The following MTUS1 variants were observed in gnomAD, a reference collection of about 807,000 sequenced individuals.
MTUS1 encodes the protein microtubule associated scaffold protein 1, also known as microtubule-associated tumor suppressor 1.
In MTUS1, 109 loss-of-function variants were observed where a neutral mutation model predicts 120.8. The observed-to-expected ratio is 0.90, with a 90% confidence interval of 0.77 to 1.06. The LOEUF (loss-of-function observed/expected upper bound fraction) is 1.06, where lower values mean the gene tolerates loss of function less well. Ranked by LOEUF, MTUS1 falls within the 50% of genes least tolerant of loss-of-function variation. The probability of loss-of-function intolerance (pLI) is 0.00; values close to 1 mark genes in which losing one functional copy is unlikely to be tolerated. For missense variants in MTUS1, 2,210 were observed against 1,486.3 expected, an observed-to-expected ratio of 1.49 and a Z score of -8.01; for synonymous variants, 737 against 550.5, an observed-to-expected ratio of 1.34 and a Z score of -4.74.
intron 6 of MTUS1, among the ~76,000 whole-genome samples, chr8:17,694,000 G>A (rs1389305852): frequency 2.6e-5 from 4 of 152,162 alleles, no homozygotes; most frequent in Admixed American, 6.5e-5. Context: ...AACATCTTAG[G>A]CTGGATTATA....
chr8:17,771,204 T>C (rs1049364994), intron 1 of MTUS1, among the ~76,000 whole-genome samples: 1 of 152,136 alleles, frequency 6.6e-6, no homozygotes, highest in Non-Finnish European at 1.5e-5. Context: ...AATAAAATAA[T>C]CTGTGTAAGG....
Position 17,754,030 on chromosome 8 carries a change from T to C in MTUS1, c.1778A>G (p.His593Arg), listed in dbSNP as rs187570421. Reference sequence around the variant, plus strand: ...AACCCTGTGTGAAGCATTTTTAGAATGAGTTGTAACATGCACAGCCTGGCT... The same window carrying C: ...AACCCTGTGTGAAGCATTTTTAGAACGAGTTGTAACATGCACAGCCTGGCT... ...ITSQAVHVTT[H>R]SKNASHRVPR... Residue 593 changes from histidine to arginine, a missense_variant, in exon 2 of 15, where the codon CAT becomes CGT. Coordinates refer to ENST00000693296, the MANE Select transcript of MTUS1 (RefSeq NM_001363059.2). 1.9e-6 allele frequency: 3 copies of C among 1,614,196 alleles called. No individual in the cohort carries two copies. In the South Asian group the frequency reaches 3.3e-5, roughly 18 times the overall value.
intron 12 of MTUS1, among the ~76,000 whole-genome samples, chr8:17,652,835 CA>C (rs200107266): frequency 0.13 from 16,638 of 129,718 alleles, 1,267 homozygotes; most frequent in East Asian, 0.35. Flanking sequence ...GACTCCCTCT[CA>C]AAAAAAAAAA....
rs756058452 is a variant in MTUS1, at chr8:17,684,491, G to A, written c.2675C>T (p.Thr892Ile). ...NPRSLCIQPQ[T>I]APDALPPEKT... ...CTCAGGGGGCAGCGCATCGGGAGCTGTCTGTGGCTGGATACATAAGCTTCG... is the reference window on the plus strand; with the variant it reads ...CTCAGGGGGCAGCGCATCGGGAGCTATCTGTGGCTGGATACATAAGCTTCG... Residue 892 changes from threonine to isoleucine, a missense_variant, in exon 7 of 15, where the codon ACA becomes ATA. Physicochemically the swap from Thr to Ile is moderately conservative, Grantham distance 89 (BLOSUM62 -1). Transcript: ENST00000693296. 8 of 1,614,028 alleles carry A rather than the reference G, an allele frequency of 5.0e-6. No individual in the cohort carries two copies. Among genetic ancestry groups the A allele is most frequent in the East Asian group, 2.2e-5 (1 of 44,898 alleles).
intron 6 of MTUS1, among the ~76,000 whole-genome samples, chr8:17,706,601 T>C (rs902586416): frequency 6.6e-6 from 1 of 152,198 alleles, no homozygotes; most frequent in Non-Finnish European, 1.5e-5. Context: ...TAAAATGATA[T>C]GAAGCTTTTG....
chr8:17,709,127 ACT>A (rs1477151062), intron 6 of MTUS1, among the ~76,000 whole-genome samples: 8 of 137,648 alleles, frequency 5.8e-5, no homozygotes, highest in Admixed American at 3.6e-4. Flanking sequence ...ACAGAGCAAG[ACT>A]CTGCCTCAAA....
chr8:17,739,995 C>T (rs192715076), intron 3 of MTUS1, among the ~76,000 whole-genome samples: 2 of 152,196 alleles, frequency 1.3e-5, no homozygotes, highest in East Asian at 1.9e-4. Context: ...CACCTGAGGT[C>T]AGAAGTTCGA....
intron 1 of MTUS1, chr8:17,770,499 T>C (rs892156271): frequency 5.3e-5 from 8 of 152,192 alleles, no homozygotes; most frequent in African/African-American, 1.9e-4. Flanking sequence ...GAGTTATCTG[T>C]CCAAACAAAA....
chr8:17,729,051 G>C (rs2046394499), intron 3 of MTUS1, among the ~76,000 whole-genome samples: 1 of 152,198 alleles, frequency 6.6e-6, no homozygotes, highest in Admixed American at 6.5e-5. Flanking sequence ...AACAGACACA[G>C]TTAAAATACG....
chr8:17,747,246 C>T (rs891880242), intron 2 of MTUS1, among the ~76,000 whole-genome samples: 1 of 152,082 alleles, frequency 6.6e-6, no homozygotes, highest in African/African-American at 2.4e-5. Flanking sequence ...CCTAGAGTCC[C>T]CTAAATTAGA....
At chr8:17,770,004 C>G (rs1271305932) in intron 1 of MTUS1, among the ~76,000 whole-genome samples, 1 of 151,856 alleles carries the variant, frequency 6.6e-6, no homozygotes, top group Non-Finnish European at 1.5e-5. Flanking sequence ...CTAGACACTT[C>G]AGATGACATA....
chr8:17,796,910 G>T (rs756294683), intron 1 of MTUS1, among the ~76,000 whole-genome samples: 1 of 152,094 alleles, frequency 6.6e-6, no homozygotes, highest in Admixed American at 6.6e-5. Flanking sequence ...TCAGGAATTC[G>T]AGACCAAGTT....
At chr8:17,761,237 C>G (rs28503889) in intron 1 of MTUS1, among the ~76,000 whole-genome samples, 1 of 152,056 alleles carries the variant, frequency 6.6e-6, no homozygotes, top group East Asian at 1.9e-4. Context: ...GGAAAAAAAA[C>G]TTTCTAAATC....
At chr8:17,682,129 C>T (rs1814658980) in intron 7 of MTUS1, among the ~76,000 whole-genome samples, 1 of 152,176 alleles carries the variant, frequency 6.6e-6, no homozygotes, top group Non-Finnish European at 1.5e-5. Flanking sequence ...ATTTAATCAG[C>T]AGCGTGGGAT....
At chr8:17,761,430 AT>A (rs2049030801) in intron 1 of MTUS1, among the ~76,000 whole-genome samples, 1 of 152,214 alleles carries the variant, frequency 6.6e-6, no homozygotes, top group African/African-American at 2.4e-5. Context: ...TTCAAACTTC[AT>A]TTTACAAATG....
chr8:17,695,318 C>T lies in MTUS1; in HGVS notation c.2624-10776G>A, dbSNP rs767243706. On this transcript the variant is annotated intron_variant, in intron 6 of 14. Transcript: ENST00000693296. ...AAAATTTGCAGCTGGAAAATATGTA[C>T]GCCAAAAATTCTAAATAGAAGTCCC... Among the ~76,000 whole-genome samples, 13 of 152,270 alleles carry T rather than the reference C, an allele frequency of 8.5e-5. No individual in the cohort carries two copies. In the East Asian group the frequency reaches 1.3e-3, roughly 16 times the overall value.
intron 4 of MTUS1, among the ~76,000 whole-genome samples, chr8:17,719,560 C>CGT (rs1823004920): frequency 6.6e-6 from 1 of 152,204 alleles, no homozygotes; most frequent in South Asian, 2.1e-4. Context: ...TAAGTACTAA[C>CGT]ATGTTTTGTG....
intron 14 of MTUS1, 70 bp from the exon 15 acceptor site, chr8:17,646,209 C>G: frequency 7.0e-7 from 1 of 1,437,274 alleles, no homozygotes; most frequent in Non-Finnish European, 9.2e-7. Context: ...TTTTTCTTAG[C>G]GTTTGAAACT....
intron 8 of MTUS1, among the ~76,000 whole-genome samples, chr8:17,661,635 T>C (rs546385332): frequency 6.6e-6 from 1 of 151,166 alleles, no homozygotes; most frequent in Admixed American, 6.6e-5. Context: ...GCTGTTTCCC[T>C]CTATTCACCA....
Sources: gnomAD v4.1 joint callset for allele counts (sites outside exome capture counted in the v4.1 genomes callset) on GRCh38, gnomAD v4.1.1 for gene constraint, MANE v1.5 for transcripts, NCBI Gene and HGNC (gene_info 2026-07-23, HGNC 2026-07-21) for gene names.